SEMA3C: variants seen among roughly 807,000 people sequenced by gnomAD.
SEMA3C encodes semaphorin 3C, also known as semaphorin-3C.
In SEMA3C, 47 loss-of-function variants were observed where a neutral mutation model predicts 89.4. The observed-to-expected ratio is 0.53, with a 90% CI of 0.42 to 0.67. The LOEUF (loss-of-function observed/expected upper bound fraction) is 0.67. Among genes scored for constraint, SEMA3C ranks in the 30% least tolerant of loss-of-function variants. The pLI is 0.00. For missense variants in SEMA3C, 839 were observed against 929.1 expected (o/e 0.90, Z 1.26); for synonymous variants, 310 against 320.2 (o/e 0.97, Z 0.34).
chr7:80,867,361 A>G (rs1304804118), intron 2 of SEMA3C, among the ~76,000 whole-genome samples: 1 of 152,018 alleles, frequency 6.6e-6, no homozygotes, highest in African/African-American at 2.4e-5. Context: ...ACAGCTTCCT[A>G]AAGTAGTGGG....
intron 2 of SEMA3C, among the ~76,000 whole-genome samples, chr7:80,833,671 T>C (rs1483085123): frequency 1.3e-5 from 2 of 152,056 alleles, no homozygotes; most frequent in African/African-American, 4.8e-5. Context: ...ACTTCAGAAG[T>C]GCCCTTGTTG....
intron 5 of SEMA3C, among the ~76,000 whole-genome samples, chr7:80,815,554 C>CA (rs761990267): frequency 0.011 from 620 of 58,732 alleles, 13 homozygotes; most frequent in Admixed American, 0.015. Context: ...TTTAAATGGG[C>CA]AAAAAAAAAA....
At chr7:80,863,531 C>A (rs1238092391) in intron 2 of SEMA3C, among the ~76,000 whole-genome samples, 1 of 151,538 alleles carries the variant, frequency 6.6e-6, no homozygotes, top group Non-Finnish European at 1.5e-5. Context: ...GAAAAGAATT[C>A]GTTATAGAAA....
intron 2 of SEMA3C, among the ~76,000 whole-genome samples, chr7:80,880,782 G>A (rs959391476): frequency 5.9e-5 from 9 of 151,946 alleles, no homozygotes; most frequent in Non-Finnish European, 8.8e-5. Flanking sequence ...AAAATTAGCC[G>A]GGCGTGCTGA....
At chr7:80,853,131 G>A (rs577551027) in intron 2 of SEMA3C, among the ~76,000 whole-genome samples, 185 of 152,248 alleles carry the variant, frequency 1.2e-3, no homozygotes, top group Non-Finnish European at 1.6e-3. Flanking sequence ...GAATGCTGGC[G>A]AGGATGTGGA....
chr7:80,748,800 G>C (rs766406232), intron 17 of SEMA3C, 98 bp downstream of exon 17: 3 of 1,196,092 alleles, frequency 2.5e-6, no homozygotes, highest in Non-Finnish European at 3.5e-6. Context: ...ATGATCATAT[G>C]CCTTTCCTTT....
chr7:80,754,576 T>A (rs942616117), intron 15 of SEMA3C, among the ~76,000 whole-genome samples: 1 of 152,208 alleles, frequency 6.6e-6, no homozygotes, highest in Non-Finnish European at 1.5e-5. Context: ...TGTTTTGTAT[T>A]TACTATAAAT....
chr7:80,760,911 CTG>C (rs1788169322), intron 14 of SEMA3C, among the ~76,000 whole-genome samples: 1 of 152,150 alleles, frequency 6.6e-6, no homozygotes, highest in Non-Finnish European at 1.5e-5. Context: ...CTATATTACT[CTG>C]TACCTTAAAA....
upstream of SEMA3C, among the ~76,000 whole-genome samples, chr7:80,920,863 C>T (rs554328158): frequency 2.6e-5 from 4 of 152,276 alleles, no homozygotes; most frequent in Admixed American, 2.6e-4. Context: ...TATATACTCT[C>T]CACTATTATC....
intron 12 of SEMA3C, among the ~76,000 whole-genome samples, chr7:80,768,322 G>C (rs1278652610): frequency 3.3e-5 from 5 of 152,030 alleles, no homozygotes; most frequent in Non-Finnish European, 5.9e-5. Context: ...GACCATCCTG[G>C]CTAACACAGT....
intron 15 of SEMA3C, among the ~76,000 whole-genome samples, chr7:80,752,648 A>G (rs1159564865): frequency 6.6e-6 from 1 of 151,698 alleles, no homozygotes; most frequent in Non-Finnish European, 1.5e-5. Flanking sequence ...ATATTTGCAA[A>G]CTGGTCATTA....
chr7:80,838,318 A>T (rs569834486), intron 2 of SEMA3C, among the ~76,000 whole-genome samples: 1 of 152,270 alleles, frequency 6.6e-6, no homozygotes, highest in South Asian at 2.1e-4. Flanking sequence ...ATATTTTGGA[A>T]CCAGAATAAT....
At chr7:80,870,045 A>C (rs1045384453) in intron 2 of SEMA3C, among the ~76,000 whole-genome samples, 9 of 152,154 alleles carry the variant, frequency 5.9e-5, no homozygotes, top group Non-Finnish European at 1.2e-4. Flanking sequence ...TCAGGGTAAA[A>C]GTCTTGCCTA....
chr7:80,761,645 T>C lies in SEMA3C; in HGVS notation c.1456A>G (p.Ile486Val), dbSNP rs1414448634. The stretch of plus-strand genomic sequence containing the variant: ...TTAGATGAAATTTTCATTGTTGTTA[T>C]AGGAGCATGATTCTAAAATATTAGA... ...ELEVFKNHAP[I>V]TTMKISSKKQ... The change falls in exon 14 of 18, where the codon ATA becomes GTA. Residue 486 changes from isoleucine (I) to valine (V), a missense_variant. Coordinates refer to ENST00000265361, the MANE Select transcript of SEMA3C (RefSeq NM_006379.5). 1.5e-6 allele frequency: 2 copies of C among 1,348,888 alleles called. No homozygotes were observed. Among genetic ancestry groups the C allele is most frequent in the African/African-American group, 1.5e-5 (1 of 66,920 alleles). 83.6% of individuals were successfully genotyped at this position (1,348,888 alleles called of 1,614,324 possible).
intron 2 of SEMA3C, among the ~76,000 whole-genome samples, chr7:80,908,003 T>C (rs1792054972): frequency 1.3e-5 from 2 of 152,104 alleles, no homozygotes; most frequent in Non-Finnish European, 2.9e-5. Context: ...CGAAATTCAA[T>C]AGAAAAATAT....
At chr7:80,758,152 C>G (rs1220881875) in intron 15 of SEMA3C, among the ~76,000 whole-genome samples, 179 bp downstream of exon 15, 1 of 152,118 alleles carries the variant, frequency 6.6e-6, no homozygotes, top group East Asian at 1.9e-4. Flanking sequence ...CTGTGAGAAT[C>G]TCAAGTTATA....
At position 80,888,450 on chromosome 7, in the gene SEMA3C, G is replaced by A. The variant is rs187531628; in HGVS notation, c.103+28229C>T. Among the ~76,000 whole-genome samples, 390 of 152,180 alleles carry A rather than the reference G, an allele frequency of 2.6e-3. 2 individuals are homozygous for A. Among genetic ancestry groups the A allele is most frequent in the African/African-American group, 8.8e-3 (365 of 41,506 alleles). ...CTGCATCCCAGTCTAGGTGATGGGAGTGAGACCCTGTCTAAAAATAAATAA... is the reference window on the plus strand; with the variant it reads ...CTGCATCCCAGTCTAGGTGATGGGAATGAGACCCTGTCTAAAAATAAATAA... On this transcript the variant is annotated intron_variant, in intron 2 of 17. Coordinates refer to ENST00000265361, the MANE Select transcript of SEMA3C (RefSeq NM_006379.5).
chr7:80,833,940 T>C (rs1254064241), intron 2 of SEMA3C, among the ~76,000 whole-genome samples: 1 of 152,204 alleles, frequency 6.6e-6, no homozygotes, highest in Non-Finnish European at 1.5e-5. Context: ...ATGATTTGGC[T>C]ACAGTGAGAG....
In SEMA3C at chr7:80,744,853, A is replaced by G. The variant is rs763640742; in HGVS notation, c.*41T>C. ...CTCAAAATTTGATCATTGAAGACAG[A>G]GCATTTGTTAATGGAAGCATAAGAC... On this transcript the variant is annotated 3_prime_UTR_variant, in exon 18 of 18. Transcript: ENST00000265361. The G allele has an allele frequency of 1.2e-6, 2 of 1,604,938 alleles. No homozygotes were observed. Among genetic ancestry groups the G allele is most frequent in the South Asian group, 2.2e-5 (2 of 90,788 alleles).
Sources: gnomAD v4.1 joint callset for allele counts (sites outside exome capture counted in the v4.1 genomes callset) on GRCh38, gnomAD v4.1.1 for gene constraint, MANE v1.5 for transcripts, NCBI Gene and HGNC (gene_info 2026-07-23, HGNC 2026-07-21) for gene names.